Variants in DNAH11 observed in about 807,000 individuals in gnomAD.
DNAH11 encodes axonemal beta dynein heavy chain 11.
DNAH11 carries 442 observed loss-of-function variants against 526.0 expected under a neutral mutation model. The ratio of observed to expected loss-of-function variants is 0.84; its 90% CI spans 0.78 to 0.91. The LOEUF (loss-of-function observed/expected upper bound fraction) is 0.91, where lower values mean the gene tolerates loss of function less well. DNAH11 is among the 40% of genes least tolerant of loss of function. The pLI, the probability that DNAH11 is intolerant of heterozygous loss-of-function variation, is 0.00. For missense variants in DNAH11, 6,989 were observed against 5,448.7 expected, an observed-to-expected ratio of 1.28 and a Z score of -8.90; for synonymous variants, 2,461 against 1,935.9, an observed-to-expected ratio of 1.27 and a Z score of -7.12.
At chr7:21,683,578 A>G (rs1355390546) in intron 31 of DNAH11, among the ~76,000 whole-genome samples, 1 of 152,360 alleles carries the variant, frequency 6.6e-6, no homozygotes, top group African/African-American at 2.4e-5. Context: ...TTTACATAAA[A>G]GCCAGTTTAA....
chr7:21,705,557 A>C lies in DNAH11; in HGVS notation c.6546+20A>C, dbSNP rs371054541. 1.9e-6 allele frequency: 3 copies of C among 1,609,230 alleles called. No homozygotes were observed. The African/African-American group carries it at 4.0e-5, about 21-fold the overall frequency. On this transcript the variant is annotated intron_variant, in intron 39 of 81. Transcript: ENST00000409508. The stretch of plus-strand genomic sequence containing the variant: ...AGTAAGGTATAGTAAATTGCCTAAT[A>C]GCTTACAGCTATGGAAAGAACATTT...
rs77300802 is a variant in DNAH11 at position 21,881,438 on chromosome 7, T to G, written c.12387+545T>G. ...TTTGAAGTTAAAGGTAGATGAATGA[T>G]TTTATTTCGTAGCTAAAATGTGTTT... On this transcript the variant is annotated intron_variant, in intron 75 of 81. Coordinates refer to ENST00000409508, the MANE Select transcript of DNAH11 (RefSeq NM_001277115.2). Among the ~76,000 whole-genome samples, 213 of 152,358 alleles carry G rather than the reference T, an allele frequency of 1.4e-3. 2 individuals carry two copies. The highest frequency in any genetic ancestry group is 4.9e-3 in the African/African-American group (204 of 41,582).
chr7:21,665,154 C>T (rs965868452), intron 30 of DNAH11, among the ~76,000 whole-genome samples: 5 of 151,930 alleles, frequency 3.3e-5, no homozygotes, highest in African/African-American at 7.3e-5. Context: ...TCTCTCACTC[C>T]GCTATTGACC....
chr7:21,822,279 A>G (rs1027518050), intron 65 of DNAH11, among the ~76,000 whole-genome samples: 15 of 152,242 alleles, frequency 9.9e-5, no homozygotes, highest in African/African-American at 3.6e-4. Context: ...GTGGAAGGTA[A>G]ACGGGGAGCA....
chr7:21,664,851 T>C (rs1782364664), intron 30 of DNAH11, among the ~76,000 whole-genome samples: 1 of 152,110 alleles, frequency 6.6e-6, no homozygotes, highest in Non-Finnish European at 1.5e-5. Context: ...CAGCTTTATG[T>C]TCAACATCTC....
intron 54 of DNAH11, among the ~76,000 whole-genome samples, chr7:21,756,099 G>A (rs1046909730): frequency 6.6e-6 from 1 of 151,766 alleles, no homozygotes; most frequent in Non-Finnish European, 1.5e-5. Context: ...GCTTTCATGT[G>A]TTAAGGCTTT....
chr7:21,590,154 C>T (rs1055234064), intron 12 of DNAH11, among the ~76,000 whole-genome samples: 1 of 151,596 alleles, frequency 6.6e-6, no homozygotes, highest in Non-Finnish European at 1.5e-5. Flanking sequence ...TTTTTGTTAC[C>T]ATTTATGTAT....
chr7:21,872,139 A>AAAAAAAACAAAAC (rs1562595953), intron 73 of DNAH11, among the ~76,000 whole-genome samples: 1 of 113,960 alleles, frequency 8.8e-6, no homozygotes, highest in African/African-American at 5.1e-5. Context: ...AAAAAAAAAA[A>AAAAAAAACAAAAC]AAAAAAAAAA....
intron 66 of DNAH11, among the ~76,000 whole-genome samples, chr7:21,848,402 T>C (rs1302311281): frequency 6.6e-6 from 1 of 152,074 alleles, no homozygotes; most frequent in Non-Finnish European, 1.5e-5. Flanking sequence ...CAGATAGGTC[T>C]TGTTTTTTAT....
chr7:21,894,977 T>C lies in DNAH11; in HGVS notation c.13027T>C (p.Ser4343Pro). The C allele has an allele frequency of 2.5e-6, 4 of 1,614,004 alleles. No homozygotes were observed. The highest frequency in any genetic ancestry group is 3.4e-6 in the Non-Finnish European group (4 of 1,179,876). Residue 4343 changes from serine (S) to proline (P), a missense_variant, in exon 79 of 82, where the codon TCT becomes CCT. Ser to Pro is a moderately conservative substitution (Grantham distance 74). Transcript: ENST00000409508. ...PDTWSKLAYP[S>P]TYGLAQWFND... is the part of the protein sequence containing the mutation. ...CACTTGGAGCAAACTGGCTTATCCTTCTACTTATGGCCTAGCCCAGTGGTA... is the reference window on the plus strand; with the variant it reads ...CACTTGGAGCAAACTGGCTTATCCTCCTACTTATGGCCTAGCCCAGTGGTA...
chr7:21,616,466 G>C (rs1174024341), intron 22 of DNAH11, among the ~76,000 whole-genome samples, 174 bp downstream of exon 22: 1 of 151,992 alleles, frequency 6.6e-6, no homozygotes, highest in Non-Finnish European at 1.5e-5. Flanking sequence ...AATCAAGCCT[G>C]TCTTTCTGTG....
In DNAH11 at chr7:21,866,482, A is replaced by T. The variant is rs1437762548; in HGVS notation, c.11509A>T (p.Met3837Leu). 1 of 1,610,856 alleles carries T rather than the reference A, an allele frequency of 6.2e-7. No homozygotes were observed. Among genetic ancestry groups the T allele is most frequent in the African/African-American group, 1.3e-5 (1 of 74,638 alleles). Residue 3837 changes from methionine (M) to leucine (L), a missense_variant, in exon 71 of 82, where the codon ATG becomes TTG. Transcript: ENST00000409508. ...TATCATATTACAGGCAATTGCCGTC[A>T]TGGAAGAATTTCGAGGCATAGACCG... ...SWSAIKAIAV[M>L]EEFRGIDRDV... is the part of the protein sequence containing the mutation.
In DNAH11 at chr7:21,789,287, A is replaced by G; in HGVS notation, c.9971A>G (p.Asn3324Ser). 1 of 1,579,204 alleles carries G rather than the reference A, an allele frequency of 6.3e-7. No homozygotes were observed. Among genetic ancestry groups the G allele is most frequent in the South Asian group, 1.2e-5 (1 of 85,624 alleles). ...AAACGCCAAGCATTAGCCCAAGCAAACTTAGAACTGGCTGCAGCTACTGAA... is the reference window on the plus strand; with the variant it reads ...AAACGCCAAGCATTAGCCCAAGCAAGCTTAGAACTGGCTGCAGCTACTGAA... The part of the protein sequence containing the change: ...EPKRQALAQA[N>S]LELAAATEKL... The change falls in exon 61 of 82, where the codon AAC (asparagine) becomes AGC (serine). Residue 3324 changes from asparagine to serine, a missense_variant. Asn to Ser is a conservative substitution (Grantham distance 46). Coordinates refer to ENST00000409508, the MANE Select transcript of DNAH11 (RefSeq NM_001277115.2).
At chr7:21,551,378 T>C (rs1783016880) in intron 2 of DNAH11, among the ~76,000 whole-genome samples, 2 of 152,238 alleles carry the variant, frequency 1.3e-5, no homozygotes, top group Admixed American at 1.3e-4. Flanking sequence ...TTACCTCTGC[T>C]GGAAGCAGGA....
intron 67 of DNAH11, 29 bp from the exon 68 acceptor site, chr7:21,854,286 G>A: frequency 1.2e-6 from 2 of 1,609,148 alleles, no homozygotes; most frequent in Non-Finnish European, 1.7e-6. Context: ...GAGTAAATAA[G>A]TTACTTATTT....
chr7:21,784,534 C>T lies in DNAH11; in HGVS notation c.9591C>T (p.Leu3197=). The T allele has an allele frequency of 6.2e-7, 1 of 1,601,906 alleles. No homozygotes were observed. The highest frequency in any genetic ancestry group is 1.7e-4 in the Middle Eastern group (1 of 6,024). ...CTGCTACAGCTGCACTCAATACACT[C>T]AACAGGGTAAAGATAATTTATTGGT... ...LVAATAALNT[L]NRVNLSELKA... is the part of the protein sequence containing the mutation. The change falls in exon 58 of 82, where the codon CTC becomes CTT. Residue 3197 remains leucine, a synonymous_variant. Transcript: ENST00000409508.
In DNAH11 at chr7:21,831,074, G is replaced by A. The variant is rs112290301; in HGVS notation, c.10692-11470G>A. On this transcript the variant is annotated intron_variant, in intron 65 of 81. Coordinates refer to ENST00000409508, the MANE Select transcript of DNAH11 (RefSeq NM_001277115.2). The stretch of plus-strand genomic sequence containing the variant: ...CTCTCCGTGTGATGCAGTGACAAGG[G>A]CCAGTGTAATTTGTTCCTGTGGGGA... Among the ~76,000 whole-genome samples the A allele has an allele frequency of 4.1e-3, 625 of 152,282 alleles. 4 individuals carry two copies. The highest frequency in any genetic ancestry group is 0.014 in the African/African-American group (600 of 41,564).
At chr7:21,561,322 C>T in intron 5 of DNAH11, 152 bp downstream of exon 5, 2 of 614,998 alleles carry the variant, frequency 3.3e-6, no homozygotes, top group South Asian at 4.3e-5. Context: ...ACCCTTTGTA[C>T]TATATTCTCC....
intron 66 of DNAH11, among the ~76,000 whole-genome samples, chr7:21,843,713 T>G (rs1782306487): frequency 6.6e-6 from 1 of 151,896 alleles, no homozygotes; most frequent in South Asian, 2.1e-4. Flanking sequence ...ACTCCTCACC[T>G]TGTGATCCTC....
Sources: allele counts gnomAD v4.1 joint callset (sites outside exome capture counted in the v4.1 genomes callset), GRCh38; gene constraint gnomAD v4.1.1; transcripts MANE v1.5; gene names NCBI Gene and HGNC (gene_info 2026-07-23, HGNC 2026-07-21).